The following PTK7 variants were observed in gnomAD, a reference collection of about 807,000 sequenced individuals.
PTK7 encodes the protein inactive tyrosine-protein kinase 7.
Under a neutral mutation model 116.6 loss-of-function variants are expected in PTK7, and 39 were observed. That is an observed-to-expected ratio of 0.33 (90% confidence interval 0.26 to 0.44). The LOEUF (loss-of-function observed/expected upper bound fraction) is 0.44. Ranked by LOEUF, PTK7 falls within the 20% of genes least tolerant of loss-of-function variation. The pLI is 1.00. For synonymous variants in PTK7, 546 were observed against 563.6 expected, an observed-to-expected ratio of 0.97 and a Z score of 0.44; for missense variants, 1,169 against 1,425.6, an observed-to-expected ratio of 0.82 and a Z score of 2.90.
At chr6:43,125,369 C>T (rs1484009244) in intron 1 of PTK7, among the ~76,000 whole-genome samples, 2 of 152,138 alleles carry the variant, frequency 1.3e-5, no homozygotes, top group African/African-American at 2.4e-5. Context: ...AGCTATGGAG[C>T]AGTCCAGTCC....
chr6:43,146,736 C>T (rs1007077441), intron 17 of PTK7, 38 bp downstream of exon 17: 6 of 1,588,414 alleles, frequency 3.8e-6, no homozygotes, highest in African/African-American at 1.3e-5. Flanking sequence ...GAGAGGGTGC[C>T]CAGGGGTGGG....
At chr6:43,080,954 T>TACACACACGCAC (rs375388670) in intron 1 of PTK7, among the ~76,000 whole-genome samples, 35 of 148,330 alleles carry the variant, frequency 2.4e-4, no homozygotes, top group African/African-American at 8.2e-4. Flanking sequence ...AAAAAAAAAA[T>TACACACACGCAC]ACACACACAC....
intron 1 of PTK7, among the ~76,000 whole-genome samples, chr6:43,125,133 T>C (rs935207889): frequency 1.3e-5 from 2 of 151,548 alleles, no homozygotes; most frequent in Non-Finnish European, 2.9e-5. Context: ...GATTGTGCCA[T>C]TGCATTCCAG....
chr6:43,146,766 C>A, intron 17 of PTK7, 68 bp downstream of exon 17: 2 of 1,413,264 alleles, frequency 1.4e-6, no homozygotes, highest in South Asian at 2.3e-5. Flanking sequence ...ACAGAGGCAC[C>A]ATTTATTGAG....
At chr6:43,146,547 C>T in intron 16 of PTK7, 71 bp from the exon 17 acceptor site, 1 of 1,448,892 alleles carries the variant, frequency 6.9e-7, no homozygotes, top group Non-Finnish European at 9.6e-7. Flanking sequence ...CTGCGAGCAC[C>T]TGCTTGGTCT....
chr6:43,146,300 G>A (rs1770720098), intron 16 of PTK7: 1 of 216,134 alleles, frequency 4.6e-6, no homozygotes, highest in East Asian at 9.8e-5. Flanking sequence ...AATCTTTGAG[G>A]GCAGAGGGTA....
chr6:43,159,825 C>T lies in PTK7; in HGVS notation c.2911C>T (p.Arg971Cys), dbSNP rs1455146255. The change falls in exon 19 of 20, where the codon CGC (arginine) becomes TGC (cysteine). Residue 971 changes from arginine (R) to cysteine (C), a missense_variant. Transcript: ENST00000230419. The part of the protein sequence containing the change: ...YHFRQAWVPL[R>C]WMSPEAILEG... Reference sequence around the variant, plus strand: ...CTTCCGCCAGGCCTGGGTGCCGCTGCGCTGGATGTCCCCCGAGGCCATCCT... The same window carrying T: ...CTTCCGCCAGGCCTGGGTGCCGCTGTGCTGGATGTCCCCCGAGGCCATCCT... The T allele has an allele frequency of 1.9e-6, 3 of 1,614,204 alleles. No individual in the cohort carries two copies. The highest frequency in any genetic ancestry group is 1.1e-5 in the South Asian group (1 of 91,090).
chr6:43,139,475 C>T lies in PTK7; in HGVS notation c.1568C>T (p.Pro523Leu), dbSNP rs1770256309. The change falls in exon 10 of 20, where the codon CCC becomes CTC. Residue 523 changes from proline to leucine, a missense_variant. Pro to Leu is a moderately conservative substitution (Grantham distance 98, BLOSUM62 -3). Transcript: ENST00000230419. This position sits in a 1 kb window ranked among gnomAD's most constrained non-coding sequence, Gnocchi z 4.6. ...GAGTTTGACAAGGAGGCCACGGTGC[C>T]CTGTTCAGCCACAGGCCGAGAGAAG... ...CMEFDKEATV[P>L]CSATGREKPT... The T allele has an allele frequency of 6.2e-7, 1 of 1,614,220 alleles. No homozygotes were observed. Among genetic ancestry groups the T allele is most frequent in the Non-Finnish European group, 8.5e-7 (1 of 1,180,046 alleles).
chr6:43,093,210 A>T (rs1767055564), intron 1 of PTK7, among the ~76,000 whole-genome samples: 2 of 100,484 alleles, frequency 2.0e-5, no homozygotes, highest in African/African-American at 4.4e-5. Context: ...TTTTTTTGAG[A>T]CGGAGTTTCA....
At position 43,159,910 on chromosome 6, in the gene PTK7, T is replaced by C. The variant is rs1178814879; in HGVS notation, c.2996T>C (p.Val999Ala). 6.2e-7 allele frequency: 1 copy of C among 1,614,188 alleles called. No individual in the cohort carries two copies. The highest frequency in any genetic ancestry group is 1.1e-5 in the South Asian group (1 of 91,082). Residue 999 changes from valine to alanine, a missense_variant, in exon 19 of 20, where the codon GTG becomes GCG. Transcript: ENST00000230419. ...GCCTTCGGTGTGCTGATGTGGGAAGTGTTTACACATGGAGAGATGCCCCAT... is the reference window on the plus strand; with the variant it reads ...GCCTTCGGTGTGCTGATGTGGGAAGCGTTTACACATGGAGAGATGCCCCAT... ...VWAFGVLMWE[V>A]FTHGEMPHGG... is the part of the protein sequence containing the mutation.
Position 43,076,618 on chromosome 6 carries a change from G to T in PTK7, c.79+51G>T, listed in dbSNP as rs1447418989. 1.3e-6 allele frequency: 2 copies of T among 1,528,264 alleles called. No homozygotes were observed. The highest frequency in any genetic ancestry group is 2.6e-5 in the East Asian group (1 of 38,728). The allele number at this position is 1,528,264 out of a possible 1,614,324, so 94.7% of individuals were successfully genotyped here. On this transcript the variant is annotated intron_variant, in intron 1 of 19. Coordinates refer to ENST00000230419, the MANE Select transcript of PTK7 (RefSeq NM_002821.5). The surrounding 1 kb of genome is among the most constrained non-coding windows in gnomAD (Gnocchi z 5.7). ...AGAGCTTGGGAAGCGCGGGAGTCCC[G>T]TGGGCAAAAGGCTGCGCCCGGGGCG...
chr6:43,135,610 A>T (rs1333765869), intron 7 of PTK7, among the ~76,000 whole-genome samples: 2 of 152,212 alleles, frequency 1.3e-5, no homozygotes, highest in African/African-American at 4.8e-5. Flanking sequence ...ATAGGCCCTG[A>T]GATGGAAATG....
intron 1 of PTK7, among the ~76,000 whole-genome samples, chr6:43,119,760 C>A (rs1282562242): frequency 6.6e-6 from 1 of 152,190 alleles, no homozygotes; most frequent in Admixed American, 6.5e-5. Context: ...GCAGGCTCCT[C>A]ACTGGCGTCT....
Position 43,076,639 on chromosome 6 carries a change from G to A in PTK7, c.79+72G>A. On this transcript the variant is annotated intron_variant, in intron 1 of 19. Coordinates refer to ENST00000230419, the MANE Select transcript of PTK7 (RefSeq NM_002821.5). The surrounding 1 kb of genome is among the most constrained non-coding windows in gnomAD (Gnocchi z 5.7). ...TCCCGTGGGCAAAAGGCTGCGCCCG[G>A]GGCGGTGGGTTTGGGCGGCTGGAAC... 1.3e-6 allele frequency: 2 copies of A among 1,490,330 alleles called. No homozygotes were observed. The highest frequency in any genetic ancestry group is 1.8e-6 in the Non-Finnish European group (2 of 1,115,280). 92.3% of individuals were successfully genotyped at this position (1,490,330 alleles called of 1,614,324 possible).
At chr6:43,096,737 A>AGCCT (rs1239822644) in intron 1 of PTK7, among the ~76,000 whole-genome samples, 1 of 152,234 alleles carries the variant, frequency 6.6e-6, no homozygotes, top group Non-Finnish European at 1.5e-5. Flanking sequence ...GTGCTGGGCC[A>AGCCT]GCCTGCCTGC....
chr6:43,085,721 G>A (rs963079972), intron 1 of PTK7, among the ~76,000 whole-genome samples: 3 of 151,558 alleles, frequency 2.0e-5, no homozygotes, highest in African/African-American at 7.3e-5. Context: ...ATCACCTGAG[G>A]TCGGGAGTTC....
At chr6:43,142,410 G>C in intron 13 of PTK7, 111 bp downstream of exon 13, 1 of 1,518,096 alleles carries the variant, frequency 6.6e-7, no homozygotes, top group Non-Finnish European at 9.0e-7. Flanking sequence ...TTTTGTGGCA[G>C]CGGTGGGGAT....
chr6:43,139,623 TGTG>T lies in PTK7; in HGVS notation c.1618+100_1618+102del. 6.5e-7 allele frequency: 1 copy of T among 1,540,888 alleles called. No homozygotes were observed. The highest frequency in any genetic ancestry group is 8.8e-7 in the Non-Finnish European group (1 of 1,142,694). Reference sequence around the variant, plus strand: ...GGGTGCCCCGCACTGTGCCAGGAAATGTGGAGATTAGACAAGCAGTGCAGGGCT... The same window carrying T: ...GGGTGCCCCGCACTGTGCCAGGAAATGAGATTAGACAAGCAGTGCAGGGCT... On this transcript the variant is annotated intron_variant, in intron 10 of 19. Transcript: ENST00000230419. The surrounding 1 kb of genome is among the most constrained non-coding windows in gnomAD (Gnocchi z 4.6).
chr6:43,078,913 C>G (rs1242417156), intron 1 of PTK7, among the ~76,000 whole-genome samples: 5 of 152,210 alleles, frequency 3.3e-5, no homozygotes. Context: ...CTGGGATAGG[C>G]TGTCTGCAGA....
Sources: gnomAD v4.1 joint callset for allele counts (sites outside exome capture counted in the v4.1 genomes callset) on GRCh38, gnomAD v4.1.1 for gene constraint, Gnocchi (gnomAD v3.1) non-coding constraint, MANE v1.5 for transcripts, NCBI Gene and HGNC (gene_info 2026-07-23, HGNC 2026-07-21) for gene names.